The following LARGE1 variants were observed in gnomAD, a reference collection of about 807,000 sequenced individuals.
The protein encoded by LARGE1 is xylosyl- and glucuronyltransferase LARGE1.
A neutral mutation model predicts 87.6 loss-of-function variants in LARGE1; 43 were observed. That is an observed-to-expected ratio of 0.49 (90% CI 0.38 to 0.63). LARGE1 has a LOEUF of 0.63. Among genes scored for constraint, LARGE1 ranks in the 30% least tolerant of loss-of-function variants. The pLI is 0.00. For missense variants in LARGE1, 802 were observed against 1,000.2 expected (o/e 0.80, Z 2.67); for synonymous variants, 434 against 394.6 (o/e 1.10, Z -1.18).
At chr22:33,241,636 G>GTA (rs1166147964) in intron 11 of LARGE1, among the ~76,000 whole-genome samples, 7 of 151,532 alleles carry the variant, frequency 4.6e-5, no homozygotes, top group Non-Finnish European at 1.0e-4. Flanking sequence ...ATGTATATAT[G>GTA]TATATATATG....
chr22:33,742,385 T>C (rs935381106), intron 2 of LARGE1, among the ~76,000 whole-genome samples: 3 of 152,224 alleles, frequency 2.0e-5, no homozygotes, highest in Non-Finnish European at 4.4e-5. Flanking sequence ...TCTATCCTGT[T>C]CTCATAAAGG....
intron 1 of LARGE1, among the ~76,000 whole-genome samples, chr22:33,894,834 T>A (rs1367733216): frequency 1.3e-5 from 2 of 152,128 alleles, no homozygotes; most frequent in Non-Finnish European, 2.9e-5. Context: ...GAATCATGAA[T>A]CAAGCATTTG....
intron 2 of LARGE1, among the ~76,000 whole-genome samples, chr22:33,752,082 C>T (rs891101457): frequency 6.6e-6 from 1 of 152,118 alleles, no homozygotes; most frequent in African/African-American, 2.4e-5. Context: ...ACACCCAGCC[C>T]CACTATTCTC....
intron 1 of LARGE1, among the ~76,000 whole-genome samples, chr22:33,800,163 T>C (rs1373388919): frequency 3.3e-5 from 5 of 152,212 alleles, no homozygotes; most frequent in Non-Finnish European, 7.3e-5. Flanking sequence ...GCAAGGATTA[T>C]ATCAAAAGCT....
At chr22:33,186,874 T>C (rs1207654775) in intron 11 of LARGE1, among the ~76,000 whole-genome samples, 2 of 152,184 alleles carry the variant, frequency 1.3e-5, no homozygotes, top group African/African-American at 4.8e-5. Flanking sequence ...ATTCATAATA[T>C]AGAGATGAAA....
intron 11 of LARGE1, among the ~76,000 whole-genome samples, chr22:33,311,630 C>T (rs1008212): frequency 0.45 from 68,602 of 152,082 alleles, 16,847 homozygotes; most frequent in African/African-American, 0.67. Context: ...CTAAGTAAGT[C>T]GTTCAAACTT....
the LARGE1 span, among the ~76,000 whole-genome samples, chr22:33,150,016 T>C: frequency 2.1e-3 from 324 of 152,326 alleles, 1 homozygote; most frequent in Non-Finnish European, 3.5e-3. Flanking sequence ...AAAAGTCCCA[T>C]AGACAGGTTT....
intron 11 of LARGE1, among the ~76,000 whole-genome samples, chr22:33,194,356 G>A (rs1332453970): frequency 2.0e-5 from 3 of 152,066 alleles, no homozygotes; most frequent in Non-Finnish European, 4.4e-5. Flanking sequence ...AGACTTGCAC[G>A]GCATGAACTC....
At position 33,432,142 on chromosome 22, in the gene LARGE1, T is replaced by G. The variant is rs375928662; in HGVS notation, c.892+19A>C. ...ATATCACCTTCTGCAACTCTTCCCATACCACCCTGAGGATTTACCTGTGTT... is the reference window on the plus strand; with the variant it reads ...ATATCACCTTCTGCAACTCTTCCCAGACCACCCTGAGGATTTACCTGTGTT... On this transcript the variant is annotated intron_variant, in intron 7 of 14. Coordinates refer to ENST00000397394, the MANE Select transcript of LARGE1 (RefSeq NM_133642.5). 3 of 1,596,120 alleles carry G rather than the reference T, an allele frequency of 1.9e-6. No homozygotes were observed. The African/African-American group carries it at 4.0e-5, about 21-fold the overall frequency.
At chr22:33,176,235 T>C (rs1161657784) in intron 11 of LARGE1, among the ~76,000 whole-genome samples, 2 of 152,114 alleles carry the variant, frequency 1.3e-5, no homozygotes, top group Non-Finnish European at 2.9e-5. Context: ...ATTCAGGACA[T>C]AGGCATGGGC....
chr22:33,279,219 T>C (rs543365150), intron 13 of LARGE1, among the ~76,000 whole-genome samples: 2 of 152,130 alleles, frequency 1.3e-5, no homozygotes, highest in East Asian at 3.9e-4. Context: ...AGTGAAGGAC[T>C]AGACAGGGCC....
At chr22:33,830,742 C>G (rs188676688) in intron 1 of LARGE1, among the ~76,000 whole-genome samples, 53 of 152,270 alleles carry the variant, frequency 3.5e-4, no homozygotes, top group Non-Finnish European at 4.7e-4. Flanking sequence ...GGCTTATAAA[C>G]AATTTCTCAC....
intron 11 of LARGE1, among the ~76,000 whole-genome samples, chr22:33,313,770 A>G (rs573620926): frequency 6.6e-6 from 1 of 152,278 alleles, no homozygotes; most frequent in South Asian, 2.1e-4. Context: ...GTGGATGCCA[A>G]TCCCCAGATG....
intron 11 of LARGE1, among the ~76,000 whole-genome samples, chr22:33,258,588 G>C (rs1232242188): frequency 1.3e-5 from 2 of 152,134 alleles, no homozygotes; most frequent in South Asian, 4.1e-4. Context: ...TTACGGTTAA[G>C]GGAACAAATT....
chr22:33,508,927 T>C (rs1450332349), intron 6 of LARGE1, among the ~76,000 whole-genome samples: 2 of 152,220 alleles, frequency 1.3e-5, no homozygotes, highest in Non-Finnish European at 2.9e-5. Flanking sequence ...TCATTAGTGC[T>C]AATTACTAAC....
In LARGE1 at chr22:33,690,670, G is replaced by GA. The variant is rs10711509; in HGVS notation, c.107-40003dup. ...AGAAGGCAAAGAGACCAGAGAAGAG[G>GA]AAAAAAAAAAAAAAAGGAATGGTAA... On this transcript the variant is annotated intron_variant, in intron 2 of 14. Transcript: ENST00000397394. Among the ~76,000 whole-genome samples, 13 of 140,942 alleles carry GA rather than the reference G, an allele frequency of 9.2e-5. 1 individual carries two copies. Among genetic ancestry groups the GA allele is most frequent in the African/African-American group, 7.9e-5 (3 of 38,104 alleles). The allele number at this position is 140,942 out of a possible 152,430, so 92.5% of individuals were successfully genotyped here. A position where few individuals can be genotyped will look rare whatever the true frequency, so the allele number is the denominator to read the frequency against.
chr22:33,293,230 G>C (rs1932849719), intron 12 of LARGE1, among the ~76,000 whole-genome samples: 1 of 152,204 alleles, frequency 6.6e-6, no homozygotes, highest in Non-Finnish European at 1.5e-5. Context: ...CACCTGCCTG[G>C]TATACTGTAG....
At chr22:33,536,019 G>A (rs983077835) in intron 6 of LARGE1, among the ~76,000 whole-genome samples, 5 of 152,110 alleles carry the variant, frequency 3.3e-5, no homozygotes, top group African/African-American at 4.8e-5. Flanking sequence ...AAAAAAGTCC[G>A]CATGGTCACT....
intron 6 of LARGE1, among the ~76,000 whole-genome samples, chr22:33,473,699 C>T (rs563033346): frequency 1.3e-5 from 2 of 152,286 alleles, no homozygotes; most frequent in South Asian, 4.1e-4. Context: ...CCACCTTGGC[C>T]TTCCAAAGTG....
Sources: gnomAD v4.1 joint callset for allele counts (sites outside exome capture counted in the v4.1 genomes callset) on GRCh38, gnomAD v4.1.1 for gene constraint, MANE v1.5 for transcripts, NCBI Gene and HGNC (gene_info 2026-07-23, HGNC 2026-07-21) for gene names.